CRX: variants seen among roughly 807,000 people sequenced by gnomAD.
CRX encodes the protein cone-rod homeobox, also known as cone-rod homeobox protein.
A neutral mutation model predicts 13.1 loss-of-function variants in CRX; 5 were observed. That is an observed-to-expected ratio of 0.38 (90% CI 0.20 to 0.80). The LOEUF is 0.80. Among genes scored for constraint, CRX ranks in the 30% least tolerant of loss-of-function variants. The pLI is 0.43. For synonymous variants in CRX, 179 were observed against 171.1 expected (o/e 1.05, Z -0.36); for missense variants, 351 against 391.8 (o/e 0.90, Z 0.88).
Position 47,840,284 on chromosome 19 carries a change from T to A in CRX, c.*317T>A, listed in dbSNP as rs1025043894. On this transcript the variant is annotated 3_prime_UTR_variant, in exon 4 of 4. Coordinates refer to ENST00000221996, the MANE Select transcript of CRX (RefSeq NM_000554.6). ...GCTGAGAACTTGCTCCAAGAAGAAG[T>A]CAAACCAAACTTGCAGTTGATTTGG... The A allele has an allele frequency of 5.7e-6, 2 of 352,908 alleles. No homozygotes were observed. Among genetic ancestry groups the A allele is most frequent in the Admixed American group, 8.7e-5 (2 of 22,904 alleles). The allele number at this position is 352,908 out of a possible 1,614,324, so 21.9% of individuals were successfully genotyped here. A position where few individuals can be genotyped will look rare whatever the true frequency, so the allele number is the denominator to read the frequency against.
In CRX at chr19:47,832,315, A is replaced by T. The variant is rs573463083; in HGVS notation, c.-35-2094A>T. Among the ~76,000 whole-genome samples the T allele has an allele frequency of 3.6e-4, 54 of 151,146 alleles. 1 individual carries two copies. The highest frequency in any genetic ancestry group is 6.2e-4 in the Non-Finnish European group (42 of 67,906). On this transcript the variant is annotated intron_variant, in intron 1 of 3. Transcript: ENST00000221996. Reference sequence around the variant, plus strand: ...GAGACGGGGTTTCACCATGTTGGCCAGGCTGGTCTCGAACTTCTGACCTCT... The same window carrying T: ...GAGACGGGGTTTCACCATGTTGGCCTGGCTGGTCTCGAACTTCTGACCTCT...
At chr19:47,829,728 C>T (rs1192426274) in intron 1 of CRX, among the ~76,000 whole-genome samples, 1 of 151,944 alleles carries the variant, frequency 6.6e-6, no homozygotes, top group African/African-American at 2.4e-5. Context: ...ATCCTGGGCT[C>T]CAGTGATCCT....
intron 1 of CRX, among the ~76,000 whole-genome samples, chr19:47,828,669 A>T (rs985043969): frequency 6.8e-6 from 1 of 147,514 alleles, no homozygotes; most frequent in African/African-American, 2.5e-5. Flanking sequence ...TTCTCTGGGG[A>T]AAGTAGCTGA....
At position 47,839,888 on chromosome 19, in the gene CRX, G is replaced by A. The variant is rs1968174013; in HGVS notation, c.821G>A (p.Gly274Asp). 1 of 1,614,110 alleles carries A rather than the reference G, an allele frequency of 6.2e-7. No homozygotes were observed. The highest frequency in any genetic ancestry group is 1.7e-5 in the Admixed American group (1 of 60,006). ...AGCTTGGAATTCAAGGACCCCACGG[G>A]CACCTGGAAATTCACCTACAATCCC... ...VDSLEFKDPT[G>D]TWKFTYNPMD... Residue 274 changes from glycine (G) to aspartate (D), a missense_variant, in exon 4 of 4, where the codon GGC (glycine) becomes GAC (aspartate). Physicochemically the swap from Gly to Asp is moderately conservative, Grantham distance 94. This residue lies in a region of CRX where 253 missense variants were observed against 268.3 expected (regional missense o/e 0.94). Coordinates refer to ENST00000221996, the MANE Select transcript of CRX (RefSeq NM_000554.6). The surrounding 1 kb of genome is among the most constrained non-coding windows in gnomAD (Gnocchi z 4.6).
At chr19:47,833,149 G>A (rs566581284) in intron 1 of CRX, among the ~76,000 whole-genome samples, 22 of 150,126 alleles carry the variant, frequency 1.5e-4, no homozygotes, top group Non-Finnish European at 2.8e-4. Flanking sequence ...TGTTGCCTAG[G>A]CTGGTTTTGA....
chr19:47,839,258 C>T lies in CRX; in HGVS notation c.253-62C>T. On this transcript the variant is annotated intron_variant, in intron 3 of 3. Coordinates refer to ENST00000221996, the MANE Select transcript of CRX (RefSeq NM_000554.6). The surrounding 1 kb of genome is among the most constrained non-coding windows in gnomAD (Gnocchi z 4.6). Reference sequence around the variant, plus strand: ...AATAAGTGTCCTCATCCCCGGGCACCCTGCGGCTCTCCTGGGCCTCTTCCC... The same window carrying T: ...AATAAGTGTCCTCATCCCCGGGCACTCTGCGGCTCTCCTGGGCCTCTTCCC... 1 of 1,558,448 alleles carries T rather than the reference C, an allele frequency of 6.4e-7. No homozygotes were observed. The highest frequency in any genetic ancestry group is 8.7e-7 in the Non-Finnish European group (1 of 1,149,260).
rs572453987 is a variant in CRX at position 47,840,220 on chromosome 19, G to T, written c.*253G>T. The T allele has an allele frequency of 2.0e-6, 1 of 512,404 alleles. No homozygotes were observed. The highest frequency in any genetic ancestry group is 2.2e-5 in the South Asian group (1 of 45,726). The allele number at this position is 512,404 out of a possible 1,614,324, so 31.7% of individuals were successfully genotyped here. On this transcript the variant is annotated 3_prime_UTR_variant, in exon 4 of 4. Transcript: ENST00000221996. Reference sequence around the variant, plus strand: ...AACACCGTCTGGCACGATTGTGACCGCTGAAGTACACCACGAGCTCCAGGC... The same window carrying T: ...AACACCGTCTGGCACGATTGTGACCTCTGAAGTACACCACGAGCTCCAGGC...
In CRX at chr19:47,839,297, C is replaced by T; in HGVS notation, c.253-23C>T. On this transcript the variant is annotated intron_variant, in intron 3 of 3. Coordinates refer to ENST00000221996, the MANE Select transcript of CRX (RefSeq NM_000554.6). This position sits in a 1 kb window ranked among gnomAD's most constrained non-coding sequence, Gnocchi z 4.6. Reference sequence around the variant, plus strand: ...GGGCCTCTTCCCCACTTACCCACCCCCATCTCCGCTCTTATCCCCCAGGTT... The same window carrying T: ...GGGCCTCTTCCCCACTTACCCACCCTCATCTCCGCTCTTATCCCCCAGGTT... 6.2e-7 allele frequency: 1 copy of T among 1,609,672 alleles called. No individual in the cohort carries two copies. Among genetic ancestry groups the T allele is most frequent in the South Asian group, 1.1e-5 (1 of 90,750 alleles).
At chr19:47,825,026 T>G (rs1285363944) in intron 1 of CRX, among the ~76,000 whole-genome samples, 1 of 140,570 alleles carries the variant, frequency 7.1e-6, no homozygotes, top group Non-Finnish European at 1.5e-5. Context: ...AGTCGTGCTC[T>G]GTCGCCCAGG....
intron 1 of CRX, 138 bp from the exon 2 acceptor site, chr19:47,834,269 CAG>C (rs1292449753): frequency 7.6e-6 from 5 of 659,916 alleles, no homozygotes; most frequent in African/African-American, 1.8e-5. Context: ...TGTGAGGACA[CAG>C]AGGTACAGAG....
At chr19:47,832,103 A>ATTTTTTTTTTTTTTTT (rs1968054388) in intron 1 of CRX, among the ~76,000 whole-genome samples, 2 of 55,164 alleles carry the variant, frequency 3.6e-5, no homozygotes, top group Non-Finnish European at 8.1e-5. Flanking sequence ...GAGCAGCCTT[A>ATTTTTTTTTTTTTTTT]TGTTTTTTTT....
intron 1 of CRX, among the ~76,000 whole-genome samples, chr19:47,830,239 T>C (rs1391085113): frequency 1.3e-5 from 2 of 150,304 alleles, no homozygotes; most frequent in African/African-American, 4.9e-5. Flanking sequence ...AGCCCAGGAG[T>C]TGGAGGCTGC....
rs1190204601 is a variant in CRX, at chr19:47,841,513, G to T, written c.*1546G>T. 1 of 152,020 alleles carries T rather than the reference G, an allele frequency of 6.6e-6. No homozygotes were observed. Among genetic ancestry groups the T allele is most frequent in the Non-Finnish European group, 1.5e-5 (1 of 68,010 alleles). The allele number at this position is 152,020 out of a possible 1,614,324, so 9.4% of individuals were successfully genotyped here. The stretch of plus-strand genomic sequence containing the variant: ...GTAAATAAACAAGAGATAGGAAGAG[G>T]GGGAAATAGATTTGGAGGAGGCAGC... On this transcript the variant is annotated 3_prime_UTR_variant, in exon 4 of 4. Transcript: ENST00000221996.
In CRX at chr19:47,824,990, A is replaced by ATATTT. The variant is rs532471221; in HGVS notation, c.-36+2981_-36+2982insATTTT. Reference sequence around the variant, plus strand: ...AGACAGGTCCTCTTTCGATTGATTGATTTTTTTTTTTTTTTTTTGGGATGG... The same window carrying ATATTT: ...AGACAGGTCCTCTTTCGATTGATTGATATTTTTTTTTTTTTTTTTTTTTGGGATGG... On this transcript the variant is annotated intron_variant, in intron 1 of 3. Transcript: ENST00000221996. 3.9e-4 allele frequency among the ~76,000 whole-genome samples: 39 copies of ATATTT among 100,370 alleles called. 1 individual carries two copies. The highest frequency in any genetic ancestry group is 1.5e-3 in the African/African-American group (37 of 25,082). The allele number at this position is 100,370 out of a possible 152,430, so 65.8% of individuals were successfully genotyped here.
intron 1 of CRX, among the ~76,000 whole-genome samples, chr19:47,827,637 C>G (rs1402544483): frequency 7.0e-6 from 1 of 143,756 alleles, no homozygotes; most frequent in Non-Finnish European, 1.5e-5. Context: ...CTCCCGGGTT[C>G]AAGCGATTCT....
chr19:47,837,831 T>C (rs1968136926), intron 3 of CRX, among the ~76,000 whole-genome samples: 1 of 152,160 alleles, frequency 6.6e-6, no homozygotes, highest in African/African-American at 2.4e-5. Flanking sequence ...ATGTATGATG[T>C]ATGTATGATC....
rs543956557 is a variant in CRX, at chr19:47,832,128, C to T, written c.-35-2281C>T. Among the ~76,000 whole-genome samples, 250 of 31,802 alleles carry T rather than the reference C, an allele frequency of 7.9e-3. 20 individuals carry two copies. The highest frequency in any genetic ancestry group is 0.056 in the Middle Eastern group (1 of 18). 20.9% of individuals were successfully genotyped at this position (31,802 alleles called of 152,430 possible). A position where few individuals can be genotyped will look rare whatever the true frequency, so the allele number is the denominator to read the frequency against. On this transcript the variant is annotated intron_variant, in intron 1 of 3. Coordinates refer to ENST00000221996, the MANE Select transcript of CRX (RefSeq NM_000554.6). The stretch of plus-strand genomic sequence containing the variant: ...ATGTTTTTTTTTTTTTTTTTTGAGA[C>T]GGAGTCTCGCTCTGTCGCCCAAGCT...
chr19:47,837,726 A>G (rs1968135468), intron 3 of CRX, among the ~76,000 whole-genome samples: 1 of 152,012 alleles, frequency 6.6e-6, no homozygotes, highest in Non-Finnish European at 1.5e-5. Context: ...GTATGTGTGT[A>G]TGACCTATGT....
At chr19:47,823,648 G>GTTTT (rs1568620456) in intron 1 of CRX, among the ~76,000 whole-genome samples, 1 of 122,264 alleles carries the variant, frequency 8.2e-6, no homozygotes. Flanking sequence ...ACATGAGTCT[G>GTTTT]GTTTTTTTTT....
Sources: allele counts gnomAD v4.1 joint callset (sites outside exome capture counted in the v4.1 genomes callset), GRCh38; gene constraint gnomAD v4.1.1; regional missense constraint gnomAD v4.1.1; non-coding constraint Gnocchi (gnomAD v3.1); transcripts MANE v1.5; gene names NCBI Gene and HGNC (gene_info 2026-07-23, HGNC 2026-07-21).